The following CTNNA2 variants were observed in gnomAD, a reference collection of about 807,000 sequenced individuals.
The protein encoded by CTNNA2 is catenin alpha 2, also known as catenin alpha-2.
Under a neutral mutation model 101.0 loss-of-function variants are expected in CTNNA2, and 42 were observed. The observed-to-expected ratio is 0.42, with a 90% CI of 0.32 to 0.54. The LOEUF is 0.54. Ranked by LOEUF, CTNNA2 falls within the 20% of genes least tolerant of loss-of-function variation. The pLI, the probability that CTNNA2 is intolerant of heterozygous loss-of-function variation, is 0.14. For missense variants in CTNNA2, 871 were observed against 1,223.1 expected (o/e 0.71, Z 4.29); for synonymous variants, 450 against 456.4 (o/e 0.99, Z 0.18).
intron 7 of CTNNA2, among the ~76,000 whole-genome samples, chr2:80,090,220 G>A (rs181484605): frequency 3.3e-5 from 5 of 151,730 alleles, no homozygotes; most frequent in Admixed American, 2.6e-4. Context: ...GTCTGTGTGT[G>A]CATGCCTACA....
At chr2:80,099,815 G>A (rs142695829) in intron 7 of CTNNA2, among the ~76,000 whole-genome samples, 120 of 151,458 alleles carry the variant, frequency 7.9e-4, no homozygotes, top group African/African-American at 2.7e-3. Flanking sequence ...ACAGATTCAC[G>A]GGGTGGAGAG....
At chr2:80,621,079 G>T (rs1671075346) in intron 18 of CTNNA2, among the ~76,000 whole-genome samples, 1 of 151,818 alleles carries the variant, frequency 6.6e-6, no homozygotes, top group African/African-American at 2.4e-5. Flanking sequence ...GCATTAATTT[G>T]GGGTCTGAAC....
intron 2 of CTNNA2, among the ~76,000 whole-genome samples, chr2:79,277,455 G>T (rs1675242076): frequency 6.6e-6 from 1 of 151,992 alleles, no homozygotes; most frequent in African/African-American, 2.4e-5. Flanking sequence ...TCAGGATGCA[G>T]CCTGGGGGCA....
rs148574651 is a variant in CTNNA2 at position 79,978,042 on chromosome 2, A to G, written c.1056+68245A>G. 8.5e-5 allele frequency among the ~76,000 whole-genome samples: 13 copies of G among 152,212 alleles called. No individual in the cohort carries two copies. The East Asian group carries it at 2.3e-3, about 27-fold the overall frequency. On this transcript the variant is annotated intron_variant, in intron 7 of 18. Transcript: ENST00000402739. ...CCTCAAACTGCCAAATGCAAAATCTACTTTGATTCCCACTTCCACATGAAC... is the reference window on the plus strand; with the variant it reads ...CCTCAAACTGCCAAATGCAAAATCTGCTTTGATTCCCACTTCCACATGAAC...
At chr2:80,617,326 A>G (rs1160067705) in intron 17 of CTNNA2, among the ~76,000 whole-genome samples, 3 of 151,776 alleles carry the variant, frequency 2.0e-5, no homozygotes, top group Non-Finnish European at 2.9e-5. Flanking sequence ...TAAGCCAACT[A>G]GTCAATGATC....
intron 7 of CTNNA2, among the ~76,000 whole-genome samples, chr2:80,044,569 G>A (rs1317869868): frequency 6.6e-6 from 1 of 151,960 alleles, no homozygotes; most frequent in Non-Finnish European, 1.5e-5. Flanking sequence ...AGCAAGCTCT[G>A]GGTCTTTCTC....
At chr2:79,496,997 A>G (rs915257999) in intron 4 of CTNNA2, among the ~76,000 whole-genome samples, 4 of 152,216 alleles carry the variant, frequency 2.6e-5, no homozygotes, top group African/African-American at 9.6e-5. Context: ...CAGCATACAG[A>G]TACTTTTTTG....
intron 7 of CTNNA2, among the ~76,000 whole-genome samples, chr2:80,385,845 AAT>A (rs1043552540): frequency 8.6e-5 from 13 of 152,034 alleles, no homozygotes; most frequent in African/African-American, 2.9e-4. Flanking sequence ...TCAGTGGGAA[AAT>A]ATGTCTCCTT....
chr2:79,616,182 T>C (rs146012864), intron 1 of CTNNA2, among the ~76,000 whole-genome samples: 1,994 of 152,292 alleles, frequency 0.013, 48 homozygotes, highest in African/African-American at 0.046. Flanking sequence ...GAGTTAAAAG[T>C]AATAGGATAG....
In CTNNA2 at chr2:79,206,618, T is replaced by C. The variant is rs984385890; in HGVS notation, c.-406+8542T>C. Among the ~76,000 whole-genome samples, 5 of 152,176 alleles carry C rather than the reference T, an allele frequency of 3.3e-5. No homozygotes were observed. The South Asian group carries it at 6.2e-4, about 19-fold the overall frequency. ...GTAGCAACTTTGATATGAGTGACCATGATACATCCCCAGCTTCAGGAGGAA... is the reference window on the plus strand; with the variant it reads ...GTAGCAACTTTGATATGAGTGACCACGATACATCCCCAGCTTCAGGAGGAA... On this transcript the variant is annotated intron_variant, in intron 2 of 21. Transcript: ENST00000466387.
intron 3 of CTNNA2, among the ~76,000 whole-genome samples, chr2:79,817,736 G>A (rs1414312646): frequency 2.0e-5 from 3 of 152,118 alleles, no homozygotes; most frequent in African/African-American, 2.4e-5. Context: ...CCAAGTCAGA[G>A]GATGTAAAAA....
chr2:79,326,584 A>T (rs1239649890), intron 3 of CTNNA2, among the ~76,000 whole-genome samples: 2 of 152,172 alleles, frequency 1.3e-5, no homozygotes, highest in Non-Finnish European at 2.9e-5. Context: ...GTCATTTATA[A>T]CATGATTTTT....
intron 9 of CTNNA2, among the ~76,000 whole-genome samples, chr2:80,452,077 A>C (rs957525793): frequency 8.5e-5 from 13 of 152,292 alleles, no homozygotes; most frequent in Middle Eastern, 3.4e-3. Flanking sequence ...TGTCCCTGGC[A>C]CTATACCAAG....
At chr2:79,412,190 G>T (rs1168738876) in intron 4 of CTNNA2, among the ~76,000 whole-genome samples, 1 of 152,202 alleles carries the variant, frequency 6.6e-6, no homozygotes, top group Non-Finnish European at 1.5e-5. Context: ...AACAAGAAGA[G>T]CTAACTATCC....
At chr2:80,344,379 T>A (rs1478180258) in intron 7 of CTNNA2, among the ~76,000 whole-genome samples, 2 of 152,166 alleles carry the variant, frequency 1.3e-5, no homozygotes, top group African/African-American at 4.8e-5. Flanking sequence ...TGTTGCTGAC[T>A]CCCAAATTTA....
At chr2:79,854,123 ATTT>A (rs5832413) in intron 3 of CTNNA2, among the ~76,000 whole-genome samples, 1 of 150,430 alleles carries the variant, frequency 6.6e-6, no homozygotes, top group East Asian at 1.9e-4. Context: ...GCAGAGCACC[ATTT>A]TTTTTTTATA....
chr2:79,820,812 A>C (rs949164290), intron 3 of CTNNA2, among the ~76,000 whole-genome samples: 4 of 152,172 alleles, frequency 2.6e-5, no homozygotes, highest in African/African-American at 9.7e-5. Flanking sequence ...AAATTTGGAC[A>C]TAGGACCCCT....
intron 4 of CTNNA2, among the ~76,000 whole-genome samples, chr2:79,413,587 A>C (rs1408184605): frequency 6.6e-6 from 1 of 152,026 alleles, no homozygotes; most frequent in Non-Finnish European, 1.5e-5. Context: ...CTAGAAGTGG[A>C]ATTGCTGAGT....
chr2:79,260,627 A>G (rs2104285886), intron 2 of CTNNA2, among the ~76,000 whole-genome samples: 1 of 152,286 alleles, frequency 6.6e-6, no homozygotes, highest in East Asian at 1.9e-4. Context: ...TTATCCCCAT[A>G]GACACCCAGC....
Sources: gnomAD v4.1 joint callset for allele counts (sites outside exome capture counted in the v4.1 genomes callset) on GRCh38, gnomAD v4.1.1 for gene constraint, MANE v1.5 for transcripts, NCBI Gene and HGNC (gene_info 2026-07-23, HGNC 2026-07-21) for gene names.